The following PCNT variants were observed in gnomAD, a reference collection of about 807,000 sequenced individuals.
The protein encoded by PCNT is kendrin.
PCNT carries 319 observed loss-of-function variants against 380.4 expected under a neutral mutation model. That is an observed-to-expected ratio of 0.84 (90% CI 0.77 to 0.92). The LOEUF (loss-of-function observed/expected upper bound fraction) is 0.92. Among genes scored for constraint, PCNT ranks in the 40% least tolerant of loss-of-function variants. The pLI, the probability that PCNT is intolerant of heterozygous loss-of-function variation, is 0.00. For synonymous variants in PCNT, 1,845 were observed against 1,735.2 expected, an observed-to-expected ratio of 1.06 and a Z score of -1.57; for missense variants, 4,400 against 4,255.3, an observed-to-expected ratio of 1.03 and a Z score of -0.95.
chr21:46,406,970 T>C (rs1017469270), intron 27 of PCNT, among the ~76,000 whole-genome samples: 1 of 152,244 alleles, frequency 6.6e-6, no homozygotes, highest in African/African-American at 2.4e-5. Context: ...TTGCTAATAT[T>C]TTGTTAATGG....
At chr21:46,433,658 T>C (rs979722687) in intron 38 of PCNT, among the ~76,000 whole-genome samples, 6 of 152,192 alleles carry the variant, frequency 3.9e-5, no homozygotes, top group Non-Finnish European at 7.3e-5. Context: ...TAATTTTGAT[T>C]GTTTCTTAAA....
intron 15 of PCNT, among the ~76,000 whole-genome samples, chr21:46,371,333 C>A (rs946420673): frequency 3.3e-5 from 5 of 151,728 alleles, no homozygotes; most frequent in African/African-American, 1.2e-4. Flanking sequence ...ACCTCAGCCT[C>A]CCAAGTAGCT....
chr21:46,369,657 G>A (rs981175726), intron 15 of PCNT, among the ~76,000 whole-genome samples: 1 of 152,252 alleles, frequency 6.6e-6, no homozygotes, highest in African/African-American at 2.4e-5. Context: ...CACACATGAA[G>A]TGTGTGTTTC....
chr21:46,367,242 T>G, intron 15 of PCNT, 103 bp downstream of exon 15: 5 of 959,938 alleles, frequency 5.2e-6, no homozygotes, highest in Non-Finnish European at 8.0e-6. Flanking sequence ...TGTGTGCCTG[T>G]GCGGGTGTCT....
intron 3 of PCNT, among the ~76,000 whole-genome samples, chr21:46,338,678 T>G (rs2083828241): frequency 6.6e-6 from 1 of 151,092 alleles, no homozygotes; most frequent in South Asian, 2.1e-4. Context: ...TGATCTCGGC[T>G]CACTATAACC....
At chr21:46,444,005 T>C (rs2080121265) in intron 45 of PCNT, 57 bp downstream of exon 45, 1 of 1,566,088 alleles carries the variant, frequency 6.4e-7, no homozygotes, top group African/African-American at 1.4e-5. Context: ...CCAGCCTACA[T>C]AGGGCCTCAG....
chr21:46,403,732 A>T (rs13053049), intron 27 of PCNT, among the ~76,000 whole-genome samples: 31 of 97,572 alleles, frequency 3.2e-4, no homozygotes, highest in East Asian at 6.7e-4. Flanking sequence ...GTGGGAGAAT[A>T]GTGTGTGTTT....
chr21:46,401,493 G>T lies in PCNT; in HGVS notation c.4792-58G>T, dbSNP rs918086926. On this transcript the variant is annotated intron_variant, in intron 25 of 46. Coordinates refer to ENST00000359568, the MANE Select transcript of PCNT (RefSeq NM_006031.6). ...ATGGTCTGTGCTTTAACAGGCAGCA[G>T]TTGAGGTACTGAATTCCCAAATATT... 8.0e-6 allele frequency: 11 copies of T among 1,373,172 alleles called. No individual in the cohort carries two copies. In the African/African-American group the frequency reaches 1.6e-4, roughly 20 times the overall value. 85.1% of individuals were successfully genotyped at this position (1,373,172 alleles called of 1,614,324 possible).
chr21:46,438,421 C>G, intron 41 of PCNT, 84 bp downstream of exon 41: 1 of 1,261,730 alleles, frequency 7.9e-7, no homozygotes, highest in South Asian at 1.2e-5. Context: ...AGGCCGGGCT[C>G]CCTTTAGGGA....
chr21:46,430,083 G>C lies in PCNT; in HGVS notation c.7764G>C (p.Glu2588Asp). ...AGDLQKTLSE[E>D]QEKANSVQKL... ...ACTTGCAGAAGACGCTGAGTGAAGA[G>C]CAAGAGAAGGCAAACAGCGTGCAGA... The change falls in exon 36 of 47, where the codon GAG (glutamate) becomes GAC (aspartate). Residue 2588 changes from glutamate to aspartate, a missense_variant. Transcript: ENST00000359568. The C allele has an allele frequency of 1.9e-6, 3 of 1,614,246 alleles. No homozygotes were observed. The highest frequency in any genetic ancestry group is 2.5e-6 in the Non-Finnish European group (3 of 1,180,028).
At chr21:46,363,374 G>C in intron 13 of PCNT, 106 bp from the exon 14 acceptor site, 1 of 807,758 alleles carries the variant, frequency 1.2e-6, no homozygotes, top group Non-Finnish European at 2.2e-6. Context: ...TAATGGGTGT[G>C]TGTGTGGTGA....
chr21:46,376,832 T>TGC (rs1193353223), intron 15 of PCNT, among the ~76,000 whole-genome samples: 1 of 152,236 alleles, frequency 6.6e-6, no homozygotes, highest in Non-Finnish European at 1.5e-5. Flanking sequence ...GCTCAGAAGT[T>TGC]AATCTTAAGT....
In PCNT at chr21:46,435,896, A is replaced by G. The variant is rs765074641; in HGVS notation, c.8752-8A>G. 1.2e-6 allele frequency: 2 copies of G among 1,614,030 alleles called. No homozygotes were observed. The highest frequency in any genetic ancestry group is 1.1e-5 in the South Asian group (1 of 91,056). Reference sequence around the variant, plus strand: ...ACGTCTTCTCTGTCTTTTTTCTGTTAACAACAGCGAGAATTAGAACTGCAG... The same window carrying G: ...ACGTCTTCTCTGTCTTTTTTCTGTTGACAACAGCGAGAATTAGAACTGCAG... On this transcript the variant is annotated splice_polypyrimidine_tract_variant and splice_region_variant and intron_variant, in intron 38 of 46. Coordinates refer to ENST00000359568, the MANE Select transcript of PCNT (RefSeq NM_006031.6).
intron 3 of PCNT, among the ~76,000 whole-genome samples, chr21:46,341,705 G>T (rs1486475495): frequency 1.3e-5 from 2 of 151,560 alleles, no homozygotes; most frequent in Admixed American, 6.6e-5. Context: ...ATTTTGAGAC[G>T]GGGTCTTACC....
In PCNT at chr21:46,325,176, A is replaced by T. The variant is rs957279655; in HGVS notation, c.54+894A>T. ...GGAGAAAGGGAGTCCCGAAAGCGCG[A>T]GGCGGAACCGCGGGAGCAGGCCGGC... On this transcript the variant is annotated intron_variant, in intron 1 of 46. Transcript: ENST00000359568. 3 of 985,646 alleles carry T rather than the reference A, an allele frequency of 3.0e-6. No homozygotes were observed. The African/African-American group carries it at 5.2e-5, about 17-fold the overall frequency. The allele number at this position is 985,646 out of a possible 1,614,324, so 61.1% of individuals were successfully genotyped here. A position where few individuals can be genotyped will look rare whatever the true frequency, so the allele number is the denominator to read the frequency against.
At chr21:46,408,369 T>C (rs7276882) in intron 27 of PCNT, among the ~76,000 whole-genome samples, 27,116 of 152,202 alleles carry the variant, frequency 0.18, 4,498 homozygotes, top group African/African-American at 0.44. Context: ...CTTTCATGCA[T>C]AGCTTTTTGG....
intron 3 of PCNT, among the ~76,000 whole-genome samples, chr21:46,339,376 A>G (rs573625921): frequency 2.8e-4 from 43 of 152,214 alleles, no homozygotes; most frequent in South Asian, 8.3e-4. Flanking sequence ...TTTTGATTTT[A>G]TGTGTTCTTT....
chr21:46,397,731 C>A (rs1201643487), intron 22 of PCNT, among the ~76,000 whole-genome samples: 1 of 152,186 alleles, frequency 6.6e-6, no homozygotes, highest in Non-Finnish European at 1.5e-5. Flanking sequence ...TTCTCACAGT[C>A]ACGGAGGCGT....
chr21:46,439,352 T>C (rs1016532546), intron 41 of PCNT, among the ~76,000 whole-genome samples: 4 of 152,158 alleles, frequency 2.6e-5, no homozygotes, highest in South Asian at 4.1e-4. Context: ...GGGTTTTTTT[T>C]CTGAGACAGG....
Sources: gnomAD v4.1 joint callset for allele counts (sites outside exome capture counted in the v4.1 genomes callset) on GRCh38, gnomAD v4.1.1 for gene constraint, MANE v1.5 for transcripts, NCBI Gene and HGNC (gene_info 2026-07-23, HGNC 2026-07-21) for gene names.